STK10: variants seen among roughly 807,000 people sequenced by gnomAD.
STK10 encodes serine/threonine-protein kinase 10.
A neutral mutation model predicts 113.8 loss-of-function variants in STK10; 78 were observed. That is an observed-to-expected ratio of 0.69 (90% CI 0.57 to 0.83). The LOEUF is 0.83. Ranked by LOEUF, STK10 falls within the 40% of genes least tolerant of loss-of-function variation. The pLI is 0.00. For missense variants in STK10, 1,109 were observed against 1,280.1 expected (o/e 0.87, Z 2.04); for synonymous variants, 465 against 494.7 (o/e 0.94, Z 0.80).
intron 15 of STK10, 38 bp downstream of exon 15, chr5:172,057,311 G>A (rs201099304): frequency 9.4e-5 from 147 of 1,570,220 alleles, no homozygotes; most frequent in Non-Finnish European, 1.1e-4. Context: ...AGGTCGGCCC[G>A]GCAGCAGATC....
At chr5:172,124,621 GT>G (rs1166714976) in intron 3 of STK10, among the ~76,000 whole-genome samples, 1 of 152,150 alleles carries the variant, frequency 6.6e-6, no homozygotes, top group Non-Finnish European at 1.5e-5. Context: ...ATGGACTACT[GT>G]AAATTTCACA....
At chr5:172,072,614 C>T (rs1464063237) in intron 12 of STK10, among the ~76,000 whole-genome samples, 1 of 152,140 alleles carries the variant, frequency 6.6e-6, no homozygotes, top group East Asian at 1.9e-4. Context: ...TATAAAGAGA[C>T]TTTCTTAATC....
At chr5:172,153,945 C>T (rs762267545) in intron 2 of STK10, among the ~76,000 whole-genome samples, 6 of 152,346 alleles carry the variant, frequency 3.9e-5, no homozygotes, top group Admixed American at 6.5e-5. Flanking sequence ...TGATGTTCCA[C>T]ATCACATCCT....
chr5:172,131,456 G>C (rs1007971659), intron 2 of STK10, among the ~76,000 whole-genome samples: 23 of 152,202 alleles, frequency 1.5e-4, no homozygotes, highest in Non-Finnish European at 3.1e-4. Context: ...CCTCTCCAGA[G>C]GTCAGCACCA....
chr5:172,091,372 C>T (rs1768701098), intron 9 of STK10, among the ~76,000 whole-genome samples: 2 of 152,104 alleles, frequency 1.3e-5, no homozygotes, highest in African/African-American at 4.8e-5. Flanking sequence ...ATCGCACACG[C>T]CACAAGTGAT....
intron 1 of STK10, among the ~76,000 whole-genome samples, chr5:172,160,263 C>T (rs892504516): frequency 6.6e-6 from 1 of 152,174 alleles, no homozygotes; most frequent in Non-Finnish European, 1.5e-5. Context: ...CACCTGAAGT[C>T]AGGAGTTCAA....
intron 2 of STK10, among the ~76,000 whole-genome samples, chr5:172,146,906 T>C (rs1404619292): frequency 6.6e-6 from 1 of 152,142 alleles, no homozygotes; most frequent in East Asian, 1.9e-4. Context: ...TCCGACACTA[T>C]CTACCGGGAG....
chr5:172,082,651 G>C lies in STK10; in HGVS notation c.1810-146C>G. 1 of 1,120,076 alleles carries C rather than the reference G, an allele frequency of 8.9e-7. No individual in the cohort carries two copies. Among genetic ancestry groups the C allele is most frequent in the Non-Finnish European group, 1.2e-6 (1 of 812,900 alleles). 69.4% of individuals were successfully genotyped at this position (1,120,076 alleles called of 1,614,324 possible). ...TACTACCCCGTTGCTGTGTGACCTGGGGCAAGTTACTTAGCCTGAGTCTCC... is the reference window on the plus strand; with the variant it reads ...TACTACCCCGTTGCTGTGTGACCTGCGGCAAGTTACTTAGCCTGAGTCTCC... On this transcript the variant is annotated intron_variant, in intron 11 of 18. Coordinates refer to ENST00000176763, the MANE Select transcript of STK10 (RefSeq NM_005990.4). The surrounding 1 kb of genome is among the most constrained non-coding windows in gnomAD (Gnocchi z 4.3).
intron 1 of STK10, among the ~76,000 whole-genome samples, chr5:172,173,675 C>T (rs529944756): frequency 1.2e-4 from 19 of 152,154 alleles, no homozygotes; most frequent in Admixed American, 3.3e-4. Context: ...GATCCCAGAA[C>T]GCTTTACATC....
At chr5:172,056,216 T>G (rs1320582926) in intron 15 of STK10, among the ~76,000 whole-genome samples, 1 of 152,252 alleles carries the variant, frequency 6.6e-6, no homozygotes, top group African/African-American at 2.4e-5. Flanking sequence ...CCCCGATTTC[T>G]TCACTTGGTT....
chr5:172,111,358 G>C (rs1769232189), intron 4 of STK10, among the ~76,000 whole-genome samples: 1 of 152,138 alleles, frequency 6.6e-6, no homozygotes, highest in African/African-American at 2.4e-5. Context: ...ATCCCTTCCT[G>C]AGAAGAGAGA....
chr5:172,127,921 C>G (rs546658639), intron 2 of STK10, among the ~76,000 whole-genome samples: 1 of 152,322 alleles, frequency 6.6e-6, no homozygotes, highest in South Asian at 2.1e-4. Flanking sequence ...CCTTGAAGAT[C>G]AGCTCAGATG....
intron 18 of STK10, chr5:172,045,293 A>T: frequency 1.7e-6 from 1 of 603,018 alleles, no homozygotes; most frequent in Non-Finnish European, 3.0e-6. Flanking sequence ...GGGAGGAAAA[A>T]AAAGCAGATG....
chr5:172,116,071 T>G (rs2113776577), intron 4 of STK10, among the ~76,000 whole-genome samples: 1 of 151,826 alleles, frequency 6.6e-6, no homozygotes, highest in Non-Finnish European at 1.5e-5. Context: ...GTTTGTTTTT[T>G]TGTTTTTGTT....
intron 1 of STK10, among the ~76,000 whole-genome samples, chr5:172,170,353 G>A (rs887318956): frequency 9.2e-5 from 14 of 152,070 alleles, no homozygotes; most frequent in East Asian, 1.9e-4. Context: ...CAAAGCCTTC[G>A]ACTGGGCCAG....
At chr5:172,168,273 C>T (rs540929350) in intron 1 of STK10, among the ~76,000 whole-genome samples, 3 of 152,154 alleles carry the variant, frequency 2.0e-5, no homozygotes, top group Non-Finnish European at 4.4e-5. Context: ...GTGATGAAGG[C>T]GGTCAATCGC....
chr5:172,048,424 C>CACACACACACACACAT (rs1767544601), intron 18 of STK10, among the ~76,000 whole-genome samples: 1 of 150,886 alleles, frequency 6.6e-6, no homozygotes, highest in Non-Finnish European at 1.5e-5. Flanking sequence ...TACACACACA[C>CACACACACACACACAT]ACACACACAC....
At chr5:172,062,051 C>T (rs959233747) in intron 13 of STK10, among the ~76,000 whole-genome samples, 2 of 151,186 alleles carry the variant, frequency 1.3e-5, no homozygotes, top group Middle Eastern at 3.2e-3. Context: ...GATCTCAGCT[C>T]GCTGCAACCT....
At chr5:172,049,427 G>A (rs768569073) in intron 18 of STK10, among the ~76,000 whole-genome samples, 4 of 152,104 alleles carry the variant, frequency 2.6e-5, no homozygotes, top group Non-Finnish European at 5.9e-5. Context: ...AGAATTCCTG[G>A]CAAGGGGAAC....
Sources: gnomAD v4.1 joint callset for allele counts (sites outside exome capture counted in the v4.1 genomes callset) on GRCh38, gnomAD v4.1.1 for gene constraint, Gnocchi (gnomAD v3.1) non-coding constraint, MANE v1.5 for transcripts, NCBI Gene and HGNC (gene_info 2026-07-23, HGNC 2026-07-21) for gene names.